PRXL2A: variants seen among roughly 807,000 people sequenced by gnomAD.
PRXL2A encodes the protein peroxiredoxin-like 2A.
Under a neutral mutation model 25.6 loss-of-function variants are expected in PRXL2A, and 26 were observed. The observed-to-expected ratio is 1.02, with a 90% CI of 0.74 to 1.41. PRXL2A has a LOEUF of 1.41. Ranked by LOEUF, PRXL2A falls within the 40% of genes most tolerant of loss-of-function variation. The probability of loss-of-function intolerance (pLI) is 0.00; values close to 1 mark genes in which losing one functional copy is unlikely to be tolerated. For missense variants in PRXL2A, 246 were observed against 273.9 expected, an observed-to-expected ratio of 0.90 and a Z score of 0.72; for synonymous variants, 98 against 102.9, an observed-to-expected ratio of 0.95 and a Z score of 0.29.
intron 1 of PRXL2A, among the ~76,000 whole-genome samples, chr10:80,418,996 T>TC (rs1228496506): frequency 2.8e-5 from 4 of 141,720 alleles, no homozygotes; most frequent in Non-Finnish European, 6.3e-5. Flanking sequence ...CTTTTCTTTC[T>TC]TTTTTTTTGA....
intron 1 of PRXL2A, among the ~76,000 whole-genome samples, chr10:80,415,046 A>G (rs1259840903): frequency 2.0e-5 from 3 of 152,218 alleles, no homozygotes; most frequent in Admixed American, 2.0e-4. Flanking sequence ...TTTGTAGCCC[A>G]GGGGACTTGG....
Position 80,409,475 on chromosome 10 carries a change from C to T in PRXL2A, c.-3+832C>T, listed in dbSNP as rs1844408981. Reference sequence around the variant, plus strand: ...ACATCATGCTGTCTGCACAGCCCAGCAACCCAGAACTCAGCTTTTTTGTTT... The same window carrying T: ...ACATCATGCTGTCTGCACAGCCCAGTAACCCAGAACTCAGCTTTTTTGTTT... On this transcript the variant is annotated intron_variant, in intron 1 of 5. Coordinates refer to ENST00000606162, the MANE Select transcript of PRXL2A (RefSeq NM_032333.5). 2.6e-5 allele frequency among the ~76,000 whole-genome samples: 4 copies of T among 152,360 alleles called. No individual in the cohort carries two copies. The South Asian group carries it at 8.3e-4, about 32-fold the overall frequency.
intron 1 of PRXL2A, among the ~76,000 whole-genome samples, chr10:80,409,918 A>G (rs1844421083): frequency 6.6e-6 from 1 of 152,242 alleles, no homozygotes; most frequent in African/African-American, 2.4e-5. Flanking sequence ...TACAGCTTGC[A>G]AGAATTAAAG....
chr10:80,413,318 G>A (rs908757559), intron 1 of PRXL2A, among the ~76,000 whole-genome samples: 1 of 152,202 alleles, frequency 6.6e-6, no homozygotes, highest in African/African-American at 2.4e-5. Flanking sequence ...AGTCACCCAG[G>A]AAGGGAGTGT....
intron 1 of PRXL2A, among the ~76,000 whole-genome samples, chr10:80,414,680 T>C (rs1010467233): frequency 2.0e-5 from 3 of 152,224 alleles, no homozygotes; most frequent in African/African-American, 7.2e-5. Context: ...GTCCAGGTTG[T>C]AGTACTGCTG....
At chr10:80,422,392 C>A in intron 2 of PRXL2A, 25 bp from the exon 3 acceptor site, 1 of 1,587,098 alleles carries the variant, frequency 6.3e-7, no homozygotes, top group Non-Finnish European at 8.7e-7. Flanking sequence ...GAGGAGATAT[C>A]GAATTTCTTT....
At position 80,432,028 on chromosome 10, in the gene PRXL2A, GT is replaced by G. The variant is rs1216441511; in HGVS notation, c.620del (p.Val207GlufsTer12). 1 of 1,611,432 alleles carries G rather than the reference GT, an allele frequency of 6.2e-7. No individual in the cohort carries two copies. The highest frequency in any genetic ancestry group is 1.1e-5 in the South Asian group (1 of 90,952). On this transcript the variant is annotated frameshift_variant, in exon 6 of 6. Coordinates refer to ENST00000606162, the MANE Select transcript of PRXL2A (RefSeq NM_032333.5). LOFTEE classifies it high-confidence loss of function. ...EHREKEFGDK[V>X]NLLSVLEAAK... Reference sequence around the variant, plus strand: ...CCGAGAAAAAGAATTTGGAGACAAAGTAAACCTACTTTCTGTTCTGGAAGCT... The same window carrying G: ...CCGAGAAAAAGAATTTGGAGACAAAGAAACCTACTTTCTGTTCTGGAAGCT...
intron 1 of PRXL2A, among the ~76,000 whole-genome samples, chr10:80,409,579 G>A (rs1844411848): frequency 6.6e-6 from 1 of 152,188 alleles, no homozygotes; most frequent in Non-Finnish European, 1.5e-5. Context: ...GTTTTGAAAA[G>A]CATTGTGAAA....
Position 80,435,106 on chromosome 10 carries a change from C to A in PRXL2A, c.*3007C>A. On this transcript the variant is annotated 3_prime_UTR_variant, in exon 6 of 6. Coordinates refer to ENST00000606162, the MANE Select transcript of PRXL2A (RefSeq NM_032333.5). ...GCGCGCACCTGTAATCCCAGCTACT[C>A]GGGTGGCTGAGGCAGGAGAATCGCT... 6.6e-6 allele frequency: 1 copy of A among 152,276 alleles called. No individual in the cohort carries two copies. Among genetic ancestry groups the A allele is most frequent in the Non-Finnish European group, 1.5e-5 (1 of 68,098 alleles). The allele number at this position is 152,276 out of a possible 1,614,324, so 9.4% of individuals were successfully genotyped here.
In PRXL2A at chr10:80,413,361, G is replaced by A. The variant is rs543094456; in HGVS notation, c.-3+4718G>A. On this transcript the variant is annotated intron_variant, in intron 1 of 5. Coordinates refer to ENST00000606162, the MANE Select transcript of PRXL2A (RefSeq NM_032333.5). ...GGGAAGCCACCGATGTGGCAGAAAA[G>A]GAAGGGAAAGCAAAAGGAGGTAAAG... 2.0e-5 allele frequency among the ~76,000 whole-genome samples: 3 copies of A among 152,330 alleles called. No individual in the cohort carries two copies. The South Asian group carries it at 6.2e-4, about 32-fold the overall frequency.
At chr10:80,415,425 GC>G (rs1210797543) in intron 1 of PRXL2A, among the ~76,000 whole-genome samples, 1 of 152,176 alleles carries the variant, frequency 6.6e-6, no homozygotes, top group Non-Finnish European at 1.5e-5. Flanking sequence ...ACTGACACCT[GC>G]CCCAGTCAGC....
At chr10:80,420,114 C>G in intron 1 of PRXL2A, 1 of 994,928 alleles carries the variant, frequency 1.0e-6, no homozygotes, top group Non-Finnish European at 1.2e-6. Flanking sequence ...AAGTAGTCTG[C>G]CTACAGGGGA....
intron 1 of PRXL2A, among the ~76,000 whole-genome samples, chr10:80,409,815 A>G (rs929313767): frequency 4.6e-5 from 7 of 152,210 alleles, no homozygotes; most frequent in African/African-American, 1.7e-4. Context: ...CACCTCCTAT[A>G]CATTTAATCC....
rs1238136298 is a variant in PRXL2A, at chr10:80,425,860, C to T, written c.271-6C>T. ...AGATGTCCCTGAACCCTTGTGTCTT[C>T]TACAGGAAGCTGCGGATCTGTCCTC... On this transcript the variant is annotated splice_region_variant and splice_polypyrimidine_tract_variant and intron_variant, in intron 3 of 5. Transcript: ENST00000606162. The T allele has an allele frequency of 1.9e-6, 3 of 1,614,208 alleles. No homozygotes were observed. The East Asian group carries it at 6.7e-5, about 36-fold the overall frequency.
chr10:80,418,001 C>G (rs1471667945), intron 1 of PRXL2A, among the ~76,000 whole-genome samples: 1 of 151,806 alleles, frequency 6.6e-6, no homozygotes, highest in Admixed American at 6.6e-5. Context: ...AGCCACCGCA[C>G]TCAACCAAGG....
At chr10:80,419,419 T>C (rs772588536) in intron 1 of PRXL2A, among the ~76,000 whole-genome samples, 1 of 150,796 alleles carries the variant, frequency 6.6e-6, no homozygotes, top group Non-Finnish European at 1.5e-5. Flanking sequence ...GCGATTCTCC[T>C]GCCTCAGCAC....
chr10:80,423,246 T>C (rs1042267634), intron 3 of PRXL2A, among the ~76,000 whole-genome samples: 2 of 152,210 alleles, frequency 1.3e-5, no homozygotes, highest in African/African-American at 4.8e-5. Flanking sequence ...AAAATGCTAG[T>C]GTGAGAAGGA....
chr10:80,413,742 C>G (rs1844550842), intron 1 of PRXL2A: 1 of 677,806 alleles, frequency 1.5e-6, no homozygotes, highest in African/African-American at 2.0e-5. Flanking sequence ...GTGGCCTGGT[C>G]CTGCCTATGG....
intron 5 of PRXL2A, among the ~76,000 whole-genome samples, chr10:80,430,815 GTTCTTTT>G (rs1845230778): frequency 6.6e-6 from 1 of 152,050 alleles, no homozygotes. Context: ...TGTACTAGAT[GTTCTTTT>G]TTCATTTAAC....
Sources: allele counts gnomAD v4.1 joint callset (sites outside exome capture counted in the v4.1 genomes callset), GRCh38; gene constraint gnomAD v4.1.1; transcripts MANE v1.5; gene names NCBI Gene and HGNC (gene_info 2026-07-23, HGNC 2026-07-21).